The following FBXO34 variants were observed in gnomAD, a reference collection of about 807,000 sequenced individuals.
FBXO34 encodes the protein F-box protein 34.
Under a neutral mutation model 24.5 loss-of-function variants are expected in FBXO34, and 12 were observed. That is an observed-to-expected ratio of 0.49 (90% CI 0.31 to 0.79). The LOEUF is 0.79. Among genes scored for constraint, FBXO34 ranks in the 30% least tolerant of loss-of-function variants. The pLI, the probability that FBXO34 is intolerant of heterozygous loss-of-function variation, is 0.04. For missense variants in FBXO34, 823 were observed against 857.7 expected (o/e 0.96, Z 0.51); for synonymous variants, 320 against 311.9 (o/e 1.03, Z -0.27).
chr14:55,439,540 A>T, the FBXO34 span, among the ~76,000 whole-genome samples: 1 of 148,116 alleles, frequency 6.8e-6, no homozygotes, highest in Non-Finnish European at 1.5e-5. Flanking sequence ...CTGAAATCCC[A>T]GCACTTCGGG....
chr14:55,374,463 G>A (rs1174073277), downstream of FBXO34, among the ~76,000 whole-genome samples: 2 of 152,142 alleles, frequency 1.3e-5, no homozygotes, highest in Non-Finnish European at 2.9e-5. Flanking sequence ...TGTTATAGAG[G>A]TTGTGGAACC....
chr14:55,278,308 A>T (rs1398060491), intron 1 of FBXO34, among the ~76,000 whole-genome samples: 1 of 152,104 alleles, frequency 6.6e-6, no homozygotes, highest in African/African-American at 2.4e-5. Context: ...AGCTTTTTCT[A>T]AGTTTCCTTT....
chr14:55,365,230 A>AG (rs1313988963), downstream of FBXO34, among the ~76,000 whole-genome samples: 1 of 150,514 alleles, frequency 6.6e-6, no homozygotes, highest in African/African-American at 2.5e-5. Flanking sequence ...CATCTCAAAA[A>AG]AAAAAAAAAA....
chr14:55,336,866 A>ATG (rs1883796027), intron 1 of FBXO34, among the ~76,000 whole-genome samples: 1 of 146,398 alleles, frequency 6.8e-6, no homozygotes, highest in South Asian at 2.2e-4. Context: ...ATATACATGC[A>ATG]CGCACACACA....
intron 1 of FBXO34, among the ~76,000 whole-genome samples, chr14:55,280,660 G>T (rs1042232126): frequency 1.3e-5 from 2 of 151,498 alleles, no homozygotes; most frequent in East Asian, 3.9e-4. Context: ...CCAAGTAGCT[G>T]GGACTACAGG....
chr14:55,273,836 C>G (rs78344522), intron 1 of FBXO34, among the ~76,000 whole-genome samples: 1 of 152,174 alleles, frequency 6.6e-6, no homozygotes, highest in Non-Finnish European at 1.5e-5. Context: ...AACAGAGCCT[C>G]GCTCTGTCAC....
At chr14:55,277,513 A>C (rs1378847726) in intron 1 of FBXO34, among the ~76,000 whole-genome samples, 1 of 151,882 alleles carries the variant, frequency 6.6e-6, no homozygotes, top group Non-Finnish European at 1.5e-5. Flanking sequence ...TATTTTTTAA[A>C]GAGACTAGAT....
intron 1 of FBXO34, among the ~76,000 whole-genome samples, chr14:55,301,189 C>G (rs1208622470): frequency 6.6e-6 from 1 of 152,146 alleles, no homozygotes; most frequent in Non-Finnish European, 1.5e-5. Context: ...GTAATCACAG[C>G]ACTTTGGGAG....
chr14:55,411,024 G>A, the FBXO34 span, among the ~76,000 whole-genome samples: 1 of 152,132 alleles, frequency 6.6e-6, no homozygotes, highest in Non-Finnish European at 1.5e-5. Flanking sequence ...GCCAAAACAC[G>A]TTCCCAAATT....
chr14:55,375,490 A>AATTT, the FBXO34 span, among the ~76,000 whole-genome samples: 980 of 117,518 alleles, frequency 8.3e-3, 1 homozygote, highest in Non-Finnish European at 0.011. Context: ...GCCGGGCTAA[A>AATTT]TTTTTTTTTT....
chr14:55,432,338 G>A, the FBXO34 span, among the ~76,000 whole-genome samples: 7 of 151,084 alleles, frequency 4.6e-5, no homozygotes, highest in Admixed American at 3.3e-4. Context: ...GCTCCAGCCC[G>A]GGAGGTGGAG....
rs559167209 is a variant in FBXO34 at position 55,338,070 on chromosome 14, G to A, written c.-10-12311G>A. On this transcript the variant is annotated intron_variant, in intron 1 of 1. Coordinates refer to ENST00000313833, the MANE Select transcript of FBXO34 (RefSeq NM_017943.4). ...CTTCTTTTTTTTTTTTTTTTTTTGA[G>A]ATGGAGTCTCGCTCTGTCGCCCAGG... Among the ~76,000 whole-genome samples, 3 of 37,584 alleles carry A rather than the reference G, an allele frequency of 8.0e-5. No individual in the cohort carries two copies. In the East Asian group the frequency reaches 3.5e-3, roughly 44 times the overall value. 24.7% of individuals were successfully genotyped at this position (37,584 alleles called of 152,430 possible). A position where few individuals can be genotyped will look rare whatever the true frequency, so the allele number is the denominator to read the frequency against.
chr14:55,346,275 T>C (rs764223662), intron 1 of FBXO34, among the ~76,000 whole-genome samples: 2 of 152,150 alleles, frequency 1.3e-5, no homozygotes, highest in East Asian at 1.9e-4. Context: ...CTTGTATTGA[T>C]AGAGGTTAGG....
intron 1 of FBXO34, among the ~76,000 whole-genome samples, chr14:55,322,104 C>G (rs549921417): frequency 2.0e-5 from 3 of 151,928 alleles, no homozygotes; most frequent in Non-Finnish European, 4.4e-5. Context: ...GAGCGGATCA[C>G]GAGGTCAGGA....
At chr14:55,426,731 AG>A in the FBXO34 span, among the ~76,000 whole-genome samples, 1 of 152,092 alleles carries the variant, frequency 6.6e-6, no homozygotes, top group Non-Finnish European at 1.5e-5. Flanking sequence ...AAAAAAGAAA[AG>A]AAAAGAAAAG....
intron 3 of FBXO34, among the ~76,000 whole-genome samples, chr14:55,361,369 A>G (rs1884593283): frequency 6.6e-6 from 1 of 152,278 alleles, no homozygotes; most frequent in Non-Finnish European, 1.5e-5. Flanking sequence ...TCTGTAAACC[A>G]TGCTGTAAAC....
the FBXO34 span, chr14:55,397,242 T>C: frequency 2.4e-6 from 2 of 831,996 alleles, no homozygotes; most frequent in Non-Finnish European, 4.0e-6. Flanking sequence ...ACTCCTTTCC[T>C]ACACTTTAAG....
At chr14:55,428,742 A>C in the FBXO34 span, 2 of 1,499,618 alleles carry the variant, frequency 1.3e-6, no homozygotes, top group Non-Finnish European at 1.8e-6. Flanking sequence ...ACTTTACGTA[A>C]GCAACCCATA....
At chr14:55,293,722 A>G (rs1405828532) in intron 1 of FBXO34, among the ~76,000 whole-genome samples, 1 of 152,180 alleles carries the variant, frequency 6.6e-6, no homozygotes, top group Non-Finnish European at 1.5e-5. Flanking sequence ...GACAGAATAG[A>G]AAGTATTGCC....
Sources: allele counts gnomAD v4.1 joint callset (sites outside exome capture counted in the v4.1 genomes callset), GRCh38; gene constraint gnomAD v4.1.1; transcripts MANE v1.5; gene names NCBI Gene and HGNC (gene_info 2026-07-23, HGNC 2026-07-21).